The following SGCD variants were observed in gnomAD, a reference collection of about 807,000 sequenced individuals.
The protein encoded by SGCD is sarcoglycan delta.
SGCD carries 18 observed loss-of-function variants against 36.6 expected under a neutral mutation model. The ratio of observed to expected loss-of-function variants is 0.49; its 90% CI spans 0.34 to 0.73. The LOEUF (loss-of-function observed/expected upper bound fraction) is 0.73, where lower values mean the gene tolerates loss of function less well. Ranked by LOEUF, SGCD falls within the 30% of genes least tolerant of loss-of-function variation. The pLI is 0.01. For missense variants in SGCD, 387 were observed against 346.7 expected, an observed-to-expected ratio of 1.12 and a Z score of -0.92; for synonymous variants, 133 against 130.6, an observed-to-expected ratio of 1.02 and a Z score of -0.12.
At chr5:156,553,143 T>C (rs1758864034) in intron 4 of SGCD, among the ~76,000 whole-genome samples, 1 of 152,062 alleles carries the variant, frequency 6.6e-6, no homozygotes, top group African/African-American at 2.4e-5. Context: ...AACCAGCCCT[T>C]GTGGAAAATA....
At chr5:156,275,999 T>A (rs981530882) in intron 3 of SGCD, among the ~76,000 whole-genome samples, 1 of 152,144 alleles carries the variant, frequency 6.6e-6, no homozygotes, top group African/African-American at 2.4e-5. Flanking sequence ...GTATTATGTC[T>A]ATTCTTGAAG....
At chr5:156,515,611 G>C (rs6865213) in intron 4 of SGCD, among the ~76,000 whole-genome samples, 67 of 152,324 alleles carry the variant, frequency 4.4e-4, no homozygotes, top group African/African-American at 1.6e-3. Flanking sequence ...CCCTGCCAAG[G>C]AAACCAAGAT....
At chr5:156,336,001 T>C (rs187408487) in intron 2 of SGCD, among the ~76,000 whole-genome samples, 14 of 152,338 alleles carry the variant, frequency 9.2e-5, no homozygotes, top group Admixed American at 9.1e-4. Context: ...AATCTGATCA[T>C]CCCATTTCCA....
intron 3 of SGCD, among the ~76,000 whole-genome samples, chr5:156,134,425 CTCTCT>C (rs1762404236): frequency 1.3e-5 from 2 of 152,156 alleles, no homozygotes; most frequent in Admixed American, 1.3e-4. Flanking sequence ...ACTCATTCCC[CTCTCT>C]TCTCTTCCCC....
the SGCD span, among the ~76,000 whole-genome samples, chr5:155,806,651 T>C: frequency 6.6e-6 from 1 of 152,332 alleles, no homozygotes; most frequent in East Asian, 1.9e-4. Context: ...CTATGTAACA[T>C]ACCTGTAGAG....
intron 3 of SGCD, among the ~76,000 whole-genome samples, chr5:156,165,673 T>C (rs571055570): frequency 1.5e-4 from 23 of 152,310 alleles, no homozygotes; most frequent in Admixed American, 4.6e-4. Flanking sequence ...CCTCGGGCTT[T>C]TGCATACAAG....
intron 3 of SGCD, among the ~76,000 whole-genome samples, chr5:156,395,494 G>A (rs1424436419): frequency 6.6e-6 from 1 of 152,172 alleles, no homozygotes; most frequent in Non-Finnish European, 1.5e-5. Flanking sequence ...TAGCTGGCTG[G>A]CTCCATGAGT....
At chr5:156,228,042 G>A (rs1188535397) in intron 3 of SGCD, among the ~76,000 whole-genome samples, 2 of 152,020 alleles carry the variant, frequency 1.3e-5, no homozygotes, top group Non-Finnish European at 2.9e-5. Context: ...AATTTATTGA[G>A]GCTCATTTTG....
chr5:156,609,727 G>A (rs898440623), intron 6 of SGCD, among the ~76,000 whole-genome samples: 1 of 152,220 alleles, frequency 6.6e-6, no homozygotes, highest in Admixed American at 6.5e-5. Context: ...CAAATTTCTT[G>A]GAGGCTTTGT....
At chr5:156,380,882 C>A (rs533994096) in intron 3 of SGCD, among the ~76,000 whole-genome samples, 3 of 152,166 alleles carry the variant, frequency 2.0e-5, no homozygotes, top group Non-Finnish European at 4.4e-5. Context: ...ACATCTTTTT[C>A]TCTCGTAAGT....
At chr5:156,073,963 A>C (rs1760681970) in intron 1 of SGCD, among the ~76,000 whole-genome samples, 1 of 152,170 alleles carries the variant, frequency 6.6e-6, no homozygotes, top group Non-Finnish European at 1.5e-5. Flanking sequence ...GAAGAAGGAC[A>C]ACCCAGCTAG....
intron 5 of SGCD, among the ~76,000 whole-genome samples, chr5:156,591,509 G>A (rs985939720): frequency 6.6e-6 from 1 of 152,182 alleles, no homozygotes; most frequent in Non-Finnish European, 1.5e-5. Context: ...AGCATCATGA[G>A]GGAGTGGGGA....
At chr5:156,595,559 T>G (rs1011037565) in intron 6 of SGCD, among the ~76,000 whole-genome samples, 1 of 152,184 alleles carries the variant, frequency 6.6e-6, no homozygotes, top group Non-Finnish European at 1.5e-5. Flanking sequence ...GGTCCCCTAG[T>G]GGAAATTTCT....
chr5:155,795,042 C>A, the SGCD span, among the ~76,000 whole-genome samples: 2,645 of 152,090 alleles, frequency 0.017, 87 homozygotes, highest in African/African-American at 0.059. Flanking sequence ...ATGGAATTAC[C>A]TCTTAAAAGT....
At chr5:156,524,101 T>C (rs1757534945) in intron 4 of SGCD, among the ~76,000 whole-genome samples, 1 of 3,062 alleles carries the variant, frequency 3.3e-4, no homozygotes, top group South Asian at 8.9e-3. Flanking sequence ...TTACTATATA[T>C]ATATATATAT....
chr5:156,306,372 A>G (rs1581232431), intron 3 of SGCD, among the ~76,000 whole-genome samples: 1 of 152,152 alleles, frequency 6.6e-6, no homozygotes, highest in Non-Finnish European at 1.5e-5. Flanking sequence ...GTTGCCATCC[A>G]TGTATGATGT....
intron 4 of SGCD, among the ~76,000 whole-genome samples, chr5:156,565,614 G>C (rs1250517440): frequency 6.6e-6 from 1 of 152,052 alleles, no homozygotes; most frequent in Non-Finnish European, 1.5e-5. Context: ...TGTTACAAAG[G>C]TATATACGTG....
intron 6 of SGCD, among the ~76,000 whole-genome samples, chr5:156,646,789 A>C (rs532627161): frequency 6.6e-6 from 1 of 152,170 alleles, no homozygotes; most frequent in African/African-American, 2.4e-5. Flanking sequence ...GATAATTGCT[A>C]TCTTTATGGC....
At chr5:156,253,551 T>C (rs780598487) in intron 3 of SGCD, among the ~76,000 whole-genome samples, 3 of 152,192 alleles carry the variant, frequency 2.0e-5, no homozygotes, top group Non-Finnish European at 2.9e-5. Context: ...TAATTGCCTT[T>C]AAATTGTCTA....
Sources: gnomAD v4.1 joint callset for allele counts (sites outside exome capture counted in the v4.1 genomes callset) on GRCh38, gnomAD v4.1.1 for gene constraint, MANE v1.5 for transcripts, NCBI Gene and HGNC (gene_info 2026-07-23, HGNC 2026-07-21) for gene names.